PARP8: variants seen among roughly 807,000 people sequenced by gnomAD.
The protein encoded by PARP8 is poly(ADP-ribose) polymerase family member 8.
Under a neutral mutation model 124.1 loss-of-function variants are expected in PARP8, and 51 were observed. The observed-to-expected ratio is 0.41, with a 90% confidence interval of 0.33 to 0.52. The LOEUF (loss-of-function observed/expected upper bound fraction) is 0.52. Among genes scored for constraint, PARP8 ranks in the 20% least tolerant of loss-of-function variants. The pLI is 0.21. For synonymous variants in PARP8, 391 were observed against 361.5 expected (o/e 1.08, Z -0.93); for missense variants, 860 against 1,018.9 (o/e 0.84, Z 2.12).
chr5:50,785,130 A>C (rs1306859604), intron 9 of PARP8, among the ~76,000 whole-genome samples: 1 of 152,032 alleles, frequency 6.6e-6, no homozygotes, highest in Non-Finnish European at 1.5e-5. Context: ...GAAATTTTAG[A>C]ATTTTGTGAA....
At chr5:50,712,164 A>G (rs1754824422) in intron 2 of PARP8, among the ~76,000 whole-genome samples, 1 of 152,190 alleles carries the variant, frequency 6.6e-6, no homozygotes, top group South Asian at 2.1e-4. Flanking sequence ...AAACTAAATT[A>G]TGTTATGTCC....
intron 2 of PARP8, among the ~76,000 whole-genome samples, chr5:50,715,814 A>G (rs956118482): frequency 2.6e-5 from 4 of 152,030 alleles, no homozygotes; most frequent in African/African-American, 9.7e-5. Flanking sequence ...TTATGTCCAG[A>G]GCTTCTGTCT....
At chr5:50,718,589 G>T (rs1286252126) in intron 2 of PARP8, among the ~76,000 whole-genome samples, 3 of 151,630 alleles carry the variant, frequency 2.0e-5, no homozygotes, top group Non-Finnish European at 4.4e-5. Flanking sequence ...TCTGTGACTG[G>T]CTTATTTTAC....
At chr5:50,809,731 T>C (rs960007841) in intron 14 of PARP8, among the ~76,000 whole-genome samples, 4 of 152,172 alleles carry the variant, frequency 2.6e-5, no homozygotes, top group South Asian at 2.1e-4. Context: ...ATTGGACTTA[T>C]GTGAAATATT....
chr5:50,683,414 A>C (rs1273378618), intron 2 of PARP8, among the ~76,000 whole-genome samples: 1 of 152,182 alleles, frequency 6.6e-6, no homozygotes, highest in East Asian at 1.9e-4. Context: ...ATGTTTGTTG[A>C]ATAGTAATTA....
At chr5:50,717,700 A>T (rs184107993) in intron 2 of PARP8, among the ~76,000 whole-genome samples, 1 of 152,076 alleles carries the variant, frequency 6.6e-6, no homozygotes, top group Admixed American at 6.6e-5. Flanking sequence ...AGGCATAGAA[A>T]CTGAGAGATC....
At chr5:50,680,526 T>G (rs755710675) in intron 2 of PARP8, among the ~76,000 whole-genome samples, 8 of 152,158 alleles carry the variant, frequency 5.3e-5, no homozygotes, top group Non-Finnish European at 1.0e-4. Flanking sequence ...ACAGTTAAAA[T>G]CTGCAGGAAA....
At chr5:50,806,997 G>A (rs193226672) in intron 14 of PARP8, among the ~76,000 whole-genome samples, 6 of 151,902 alleles carry the variant, frequency 3.9e-5, no homozygotes, top group Non-Finnish European at 7.4e-5. Context: ...ATAAAACTCA[G>A]GTTTCTATAG....
At chr5:50,669,022 A>C (rs1749693308) in intron 2 of PARP8, 1 of 152,252 alleles carries the variant, frequency 6.6e-6, no homozygotes, top group Non-Finnish European at 1.5e-5. Context: ...ATTGCAAAAG[A>C]AGCTTTCTTG....
At chr5:50,765,027 C>T (rs972831522) in intron 7 of PARP8, among the ~76,000 whole-genome samples, 3 of 151,458 alleles carry the variant, frequency 2.0e-5, no homozygotes, top group African/African-American at 7.3e-5. Context: ...TTTGGGAGGC[C>T]GAGGAGGGCA....
chr5:50,817,190 C>A (rs1256499019), intron 15 of PARP8, among the ~76,000 whole-genome samples: 3 of 152,106 alleles, frequency 2.0e-5, no homozygotes, highest in African/African-American at 7.2e-5. Context: ...CTTTTAAAAT[C>A]ATTGTTACAT....
At chr5:50,778,515 A>C in intron 8 of PARP8, 45 bp from the exon 9 acceptor site, 1 of 1,454,894 alleles carries the variant, frequency 6.9e-7, no homozygotes. Context: ...TTTCATTTTG[A>C]ACTCTAAAAG....
At chr5:50,783,390 A>G (rs1168184101) in intron 9 of PARP8, among the ~76,000 whole-genome samples, 1 of 152,138 alleles carries the variant, frequency 6.6e-6, no homozygotes, top group Non-Finnish European at 1.5e-5. Context: ...GAGCAAACAA[A>G]ACACAATGGC....
At chr5:50,758,513 G>A (rs528785282) in intron 3 of PARP8, among the ~76,000 whole-genome samples, 1 of 152,212 alleles carries the variant, frequency 6.6e-6, no homozygotes, top group East Asian at 1.9e-4. Flanking sequence ...TAAAAATTGT[G>A]TTCTCATTGT....
chr5:50,667,983 G>A (rs184876482), intron 1 of PARP8, 88 bp from the exon 2 acceptor site: 326 of 1,605,920 alleles, frequency 2.0e-4, no homozygotes, highest in Non-Finnish European at 2.5e-4. Flanking sequence ...GGCCTCCCCT[G>A]ACACCACCGA....
At chr5:50,750,715 A>G (rs575352939) in intron 3 of PARP8, among the ~76,000 whole-genome samples, 1 of 152,234 alleles carries the variant, frequency 6.6e-6, no homozygotes, top group Admixed American at 6.5e-5. Flanking sequence ...AGATCGTTAC[A>G]TTTGAAAATA....
At chr5:50,695,706 G>A (rs1191811474) in intron 2 of PARP8, among the ~76,000 whole-genome samples, 2 of 151,906 alleles carry the variant, frequency 1.3e-5, no homozygotes, top group Non-Finnish European at 2.9e-5. Flanking sequence ...AAATTATTTG[G>A]ATTTAAAAAT....
chr5:50,781,850 A>G (rs1740710631), intron 9 of PARP8, among the ~76,000 whole-genome samples: 1 of 152,184 alleles, frequency 6.6e-6, no homozygotes, highest in Admixed American at 6.5e-5. Flanking sequence ...GATGGGGTGG[A>G]AACTAGAACT....
At chr5:50,667,675 A>G (rs1035247358) in intron 1 of PARP8, 1 of 699,680 alleles carries the variant, frequency 1.4e-6, no homozygotes, top group Non-Finnish European at 2.6e-6. Context: ...GGCTCCCTCT[A>G]GTCCCCTCCG....
Sources: allele counts gnomAD v4.1 joint callset (sites outside exome capture counted in the v4.1 genomes callset), GRCh38; gene constraint gnomAD v4.1.1; transcripts MANE v1.5; gene names NCBI Gene and HGNC (gene_info 2026-07-23, HGNC 2026-07-21).